Variants in RPL3L observed in about 807,000 individuals in gnomAD.
The protein encoded by RPL3L is ribosomal protein uL3-like.
A neutral mutation model predicts 44.5 loss-of-function variants in RPL3L; 44 were observed. The observed-to-expected ratio is 0.99, with a 90% confidence interval of 0.78 to 1.27. RPL3L has a LOEUF of 1.27. RPL3L is among the 50% of genes most tolerant of loss of function. The probability of loss-of-function intolerance (pLI) is 0.00; values close to 1 mark genes in which losing one functional copy is unlikely to be tolerated. For synonymous variants in RPL3L, 292 were observed against 230.7 expected (o/e 1.27, Z -2.41); for missense variants, 631 against 569.1 (o/e 1.11, Z -1.11).
chr16:1,946,073 C>CA, intron 7 of RPL3L, 143 bp from the exon 8 acceptor site: 1 of 651,458 alleles, frequency 1.5e-6, no homozygotes, highest in East Asian at 2.7e-5. Flanking sequence ...GTGACTATCA[C>CA]GCCGCCCCTA....
At chr16:1,946,797 G>A (rs766645803) in intron 6 of RPL3L, 71 bp from the exon 7 acceptor site, 17 of 1,590,388 alleles carry the variant, frequency 1.1e-5, no homozygotes, top group South Asian at 4.4e-5. Context: ...AGGCCCATCC[G>A]CCCACATGCT....
At chr16:1,951,045 C>A in intron 3 of RPL3L, 66 bp from the exon 4 acceptor site, 1 of 1,567,704 alleles carries the variant, frequency 6.4e-7, no homozygotes, top group Non-Finnish European at 8.6e-7. Flanking sequence ...CCTATCCTGC[C>A]CCCACCTCAC....
chr16:1,950,873 T>C lies in RPL3L; in HGVS notation c.472A>G (p.Lys158Glu), dbSNP rs2083167445. ...KDFAAMKKYC[K>E]VIRVIVHTQM... ...GTGTGGACAATGACCCGAATGACCT[T>C]GCAGTACTTCTTCATGGCGGCGAAG... The change falls in exon 4 of 10, where the codon AAG becomes GAG. Residue 158 changes from lysine to glutamate, a missense_variant. Physicochemically the swap from Lys to Glu is moderately conservative, Grantham distance 56 (BLOSUM62 1). Transcript: ENST00000268661. The C allele has an allele frequency of 1.9e-6, 3 of 1,614,068 alleles. No individual in the cohort carries two copies. Among genetic ancestry groups the C allele is most frequent in the Non-Finnish European group, 2.5e-6 (3 of 1,179,968 alleles).
Position 1,946,944 on chromosome 16 carries a change from G to C in RPL3L, c.843C>G (p.Asn281Lys). The C allele has an allele frequency of 6.2e-7, 1 of 1,601,484 alleles. No homozygotes were observed. Reference sequence around the variant, plus strand: ...ACCCCGGCTGAGGACGCACCTTCTTGTTGAGCTCCGTGCGGTGGTGATAGC... The same window carrying C: ...ACCCCGGCTGAGGACGCACCTTCTTCTTGAGCTCCGTGCGGTGGTGATAGC... ...QKGYHHRTEL[N>K]KKIFRIGRGP... is the part of the protein sequence containing the mutation. Residue 281 changes from asparagine (N) to lysine (K), a missense_variant, in exon 6 of 10, where the codon AAC (asparagine) becomes AAG (lysine). By Grantham distance (94) the Asn-to-Lys change is moderately conservative (BLOSUM62 0). Coordinates refer to ENST00000268661, the MANE Select transcript of RPL3L (RefSeq NM_005061.3).
At chr16:1,951,154 T>TC (rs1396133416) in intron 3 of RPL3L, among the ~76,000 whole-genome samples, 175 bp from the exon 4 acceptor site, 1 of 151,832 alleles carries the variant, frequency 6.6e-6, no homozygotes, top group Admixed American at 6.6e-5. Flanking sequence ...AGACTGTCTC[T>TC]CCCCCTCTAG....
rs146294352 is a variant in RPL3L, at chr16:1,954,118, C to T, written c.34G>A (p.Gly12Arg). The T allele has an allele frequency of 3.7e-3, 5,903 of 1,596,522 alleles. 20 individuals carry two copies. Among genetic ancestry groups the T allele is most frequent in the Middle Eastern group, 7.2e-3 (43 of 6,012 alleles). ...TTATGGGGCAGGAAGCCCAGGTGTC[C>T]GTGCCGAGGGGCGGAAAACTTCCGG... ...SHRKFSAPRH[G>R]HLGFLPHKRS... Residue 12 changes from glycine (G) to arginine (R), a missense_variant, in exon 2 of 10, where the codon GGA (glycine) becomes AGA (arginine). Gly to Arg is a moderately radical substitution (Grantham distance 125, BLOSUM62 -2). Coordinates refer to ENST00000268661, the MANE Select transcript of RPL3L (RefSeq NM_005061.3).
intron 8 of RPL3L, 45 bp downstream of exon 8, chr16:1,945,790 G>A (rs543074996): frequency 1.9e-6 from 3 of 1,609,664 alleles, no homozygotes; most frequent in East Asian, 2.2e-5. Flanking sequence ...GGACAGGCTG[G>A]CAGCCCTCGG....
At chr16:1,951,086 T>TGG in intron 3 of RPL3L, 107 bp from the exon 4 acceptor site, 1 of 1,447,492 alleles carries the variant, frequency 6.9e-7, no homozygotes, top group Non-Finnish European at 9.2e-7. Context: ...GTCCTACCTC[T>TGG]GGGACCGCCC....
chr16:1,954,175 G>A lies in RPL3L; in HGVS notation c.4-27C>T, dbSNP rs115610866. The stretch of plus-strand genomic sequence containing the variant: ...TGGGGGGCAGGAAGGAAGGAGGTCA[G>A]ACCTGGGGTGTCCCTGGTGGTAGAG... On this transcript the variant is annotated intron_variant, in intron 1 of 9. Transcript: ENST00000268661. 2.3e-3 allele frequency: 3,585 copies of A among 1,526,104 alleles called. 69 individuals are homozygous for A. The African/African-American group carries it at 0.044, about 19-fold the overall frequency. The allele number at this position is 1,526,104 out of a possible 1,614,324, so 94.5% of individuals were successfully genotyped here. A position where few individuals can be genotyped will look rare whatever the true frequency, so the allele number is the denominator to read the frequency against.
intron 9 of RPL3L, 110 bp downstream of exon 9, chr16:1,945,389 C>T: frequency 2.6e-6 from 3 of 1,155,602 alleles, no homozygotes; most frequent in Non-Finnish European, 3.6e-6. Context: ...AAGAGTCTCT[C>T]CTGCAGTTGA....
At chr16:1,945,999 T>G in intron 7 of RPL3L, 69 bp from the exon 8 acceptor site, 2 of 1,362,520 alleles carry the variant, frequency 1.5e-6, no homozygotes. Flanking sequence ...CTGGGGGCCC[T>G]AGCAGAACCC....
rs1225258981 is a variant in RPL3L, at chr16:1,947,360, C to A, written c.522G>T (p.Arg174=). Residue 174 remains arginine (R), a synonymous_variant, in exon 5 of 10, where the codon CGG becomes CGT. Transcript: ENST00000268661. ...TCTCCATGATGTGGGCCTTCTTCTG[C>A]CGGAAGGGCAGCAGTTTCATCTGCA... ...VHTQMKLLPF[R]QKKAHIMEIQ... 1.9e-6 allele frequency: 3 copies of A among 1,591,772 alleles called. No homozygotes were observed. The highest frequency in any genetic ancestry group is 2.6e-6 in the Non-Finnish European group (3 of 1,169,800).
chr16:1,952,247 C>G (rs960990047), intron 3 of RPL3L, among the ~76,000 whole-genome samples: 1 of 149,410 alleles, frequency 6.7e-6, no homozygotes, highest in Non-Finnish European at 1.5e-5. Flanking sequence ...GGGACTACTA[C>G]AGTCGTGAGC....
At chr16:1,950,771 C>A in intron 4 of RPL3L, 73 bp downstream of exon 4, 1 of 1,607,624 alleles carries the variant, frequency 6.2e-7, no homozygotes, top group South Asian at 1.1e-5. Context: ...TGACATTTGC[C>A]ACAGCTCCTG....
chr16:1,945,526 C>G lies in RPL3L; in HGVS notation c.1140G>C (p.Gln380His). ...TGAAGGCCCTCTTCTCTTGGGCTGT[C>G]TGGAAGCGGCCATGGCCGAACTTGG... is the stretch of plus-strand genomic sequence containing the variant. ...TTSKFGHGRF[Q>H]TAQEKRAFMG... The change falls in exon 9 of 10, where the codon CAG becomes CAC. Residue 380 changes from glutamine to histidine, a missense_variant. Coordinates refer to ENST00000268661, the MANE Select transcript of RPL3L (RefSeq NM_005061.3). 6.2e-7 allele frequency: 1 copy of G among 1,613,484 alleles called. No homozygotes were observed. The highest frequency in any genetic ancestry group is 8.5e-7 in the Non-Finnish European group (1 of 1,179,834).
Position 1,947,240 on chromosome 16 carries a change from ACT to A in RPL3L, c.640_641del (p.Ser214Ter). ...TGACAGCAATGACATCAATGACCTC[ACT>A]CTGGCTGAACACGCTGTGCACGGGC... ...QVPVHSVFSQ[S>X]EVIDVIAVTK... On this transcript the variant is annotated frameshift_variant, in exon 5 of 10. Coordinates refer to ENST00000268661, the MANE Select transcript of RPL3L (RefSeq NM_005061.3). LOFTEE classifies it high-confidence loss of function. The A allele has an allele frequency of 1.2e-6, 2 of 1,612,306 alleles. No individual in the cohort carries two copies. Among genetic ancestry groups the A allele is most frequent in the African/African-American group, 1.3e-5 (1 of 74,658 alleles).
intron 2 of RPL3L, among the ~76,000 whole-genome samples, 162 bp downstream of exon 2, chr16:1,953,794 C>T (rs1279186027): frequency 6.6e-6 from 1 of 152,198 alleles, no homozygotes; most frequent in East Asian, 1.9e-4. Flanking sequence ...AGAACCCGCC[C>T]GGAAGCCCTG....
At position 1,945,589 on chromosome 16, in the gene RPL3L, G is replaced by A. The variant is rs201829775; in HGVS notation, c.1077C>T (p.Ala359=). Residue 359 remains alanine, a synonymous_variant, in exon 9 of 10, where the codon GCC becomes GCT. Coordinates refer to ENST00000268661, the MANE Select transcript of RPL3L (RefSeq NM_005061.3). ...KSLLVHHSRQ[A]VENIELKFID... ...TGAACTTGAGCTCAATATTCTCCACGGCTTGGCGACTGTGATGCACCAGGA... is the reference window on the plus strand; with the variant it reads ...TGAACTTGAGCTCAATATTCTCCACAGCTTGGCGACTGTGATGCACCAGGA... 59 of 1,613,888 alleles carry A rather than the reference G, an allele frequency of 3.7e-5. No homozygotes were observed. The highest frequency in any genetic ancestry group is 1.7e-4 in the Middle Eastern group (1 of 6,060).
intron 1 of RPL3L, 89 bp from the exon 2 acceptor site, chr16:1,954,237 C>G: frequency 7.6e-7 from 1 of 1,315,232 alleles, no homozygotes; most frequent in Non-Finnish European, 1.0e-6. Context: ...GAGAAATGGA[C>G]TACAGGCTTC....
Sources: allele counts gnomAD v4.1 joint callset (sites outside exome capture counted in the v4.1 genomes callset), GRCh38; gene constraint gnomAD v4.1.1; transcripts MANE v1.5; gene names NCBI Gene and HGNC (gene_info 2026-07-23, HGNC 2026-07-21).